NTN1: variants seen among roughly 807,000 people sequenced by gnomAD.
The protein encoded by NTN1 is netrin-1.
NTN1 carries 11 observed loss-of-function variants against 54.2 expected under a neutral mutation model. That is an observed-to-expected ratio of 0.20 (90% CI 0.13 to 0.34). NTN1 has a LOEUF of 0.34. Among genes scored for constraint, NTN1 ranks in the 10% least tolerant of loss-of-function variants. The probability of loss-of-function intolerance (pLI) is 1.00; values close to 1 mark genes in which losing one functional copy is unlikely to be tolerated. For missense variants in NTN1, 740 were observed against 893.1 expected (o/e 0.83, Z 2.18); for synonymous variants, 371 against 382.0 (o/e 0.97, Z 0.33).
At chr17:9,156,185 G>T (rs2092341522) in intron 2 of NTN1, among the ~76,000 whole-genome samples, 1 of 151,786 alleles carries the variant, frequency 6.6e-6, no homozygotes, top group Non-Finnish European at 1.5e-5. Context: ...GTCCCAGTGC[G>T]CAGGCAGCCA....
intron 2 of NTN1, among the ~76,000 whole-genome samples, chr17:9,048,592 G>A (rs1336962205): frequency 6.6e-6 from 1 of 152,098 alleles, no homozygotes; most frequent in Non-Finnish European, 1.5e-5. Flanking sequence ...CTATGAAATG[G>A]CGTCTTCGTC....
intron 5 of NTN1, among the ~76,000 whole-genome samples, chr17:9,218,728 C>T (rs1049104069): frequency 6.6e-6 from 1 of 152,106 alleles, no homozygotes; most frequent in African/African-American, 2.4e-5. Context: ...CACCGCAGTC[C>T]CTCCCTCAAA....
At chr17:9,026,067 G>C (rs1211912184) in intron 2 of NTN1, among the ~76,000 whole-genome samples, 1 of 152,092 alleles carries the variant, frequency 6.6e-6, no homozygotes, top group Non-Finnish European at 1.5e-5. Context: ...TTACTGTGCT[G>C]TTTGGTCTTT....
At chr17:9,088,529 C>T (rs2092097171) in intron 2 of NTN1, among the ~76,000 whole-genome samples, 1 of 152,138 alleles carries the variant, frequency 6.6e-6, no homozygotes, top group African/African-American at 2.4e-5. Context: ...ATGACACACA[C>T]CAAATAGTTG....
At chr17:9,237,215 C>T (rs559212543) in intron 6 of NTN1, among the ~76,000 whole-genome samples, 6 of 152,208 alleles carry the variant, frequency 3.9e-5, no homozygotes, top group African/African-American at 9.6e-5. Flanking sequence ...ATCAAGGTGT[C>T]GGTAGGGTTG....
At chr17:9,148,359 C>G (rs1438097208) in intron 2 of NTN1, among the ~76,000 whole-genome samples, 1 of 152,198 alleles carries the variant, frequency 6.6e-6, no homozygotes, top group Non-Finnish European at 1.5e-5. Context: ...GGACTCTTCT[C>G]TCCTAGACCT....
At chr17:9,227,872 C>A (rs3826478) in intron 6 of NTN1, among the ~76,000 whole-genome samples, 120,787 of 151,174 alleles carry the variant, frequency 0.8, 48,282 homozygotes, top group African/African-American at 0.85. Context: ...CATCACACAC[C>A]CCATCACACA....
At chr17:9,183,232 T>C (rs1034111333) in intron 5 of NTN1, 9 of 676,058 alleles carry the variant, frequency 1.3e-5, no homozygotes, top group African/African-American at 1.1e-4. Context: ...CTGAGCTCCT[T>C]CTACTTGTCC....
chr17:9,227,870 ACC>A (rs1491541148), intron 6 of NTN1, among the ~76,000 whole-genome samples: 6 of 151,482 alleles, frequency 4.0e-5, no homozygotes, highest in South Asian at 2.1e-4. Flanking sequence ...CCCATCACAC[ACC>A]CCATCACACA....
intron 2 of NTN1, among the ~76,000 whole-genome samples, chr17:9,105,048 C>T (rs906660689): frequency 6.6e-6 from 1 of 152,162 alleles, no homozygotes; most frequent in African/African-American, 2.4e-5. Context: ...ATGTGGGGCC[C>T]GTGAGAGACC....
chr17:9,127,074 G>GGGA (rs1555570073), intron 2 of NTN1, among the ~76,000 whole-genome samples: 4 of 149,950 alleles, frequency 2.7e-5, no homozygotes, highest in African/African-American at 4.9e-5. Context: ...GTAGGGCCGG[G>GGGA]GGGGGGCAGG....
At chr17:9,185,246 G>A (rs1230717053) in intron 5 of NTN1, among the ~76,000 whole-genome samples, 1 of 152,138 alleles carries the variant, frequency 6.6e-6, no homozygotes, top group Non-Finnish European at 1.5e-5. Context: ...GGGAGGCTGG[G>A]TATGCCTTGT....
At chr17:9,172,242 A>T (rs1040061033) in intron 3 of NTN1, among the ~76,000 whole-genome samples, 4 of 152,068 alleles carry the variant, frequency 2.6e-5, no homozygotes, top group Non-Finnish European at 5.9e-5. Flanking sequence ...TCACGCCTGT[A>T]ATCCCAGCAC....
At chr17:9,017,520 C>T (rs1329474279), upstream of NTN1, among the ~76,000 whole-genome samples, 1 of 152,182 alleles carries the variant, frequency 6.6e-6, no homozygotes, top group Non-Finnish European at 1.5e-5. Flanking sequence ...CCTGGTTTTC[C>T]TCCTCCTCCT....
At chr17:9,114,018 C>T (rs921402417) in intron 2 of NTN1, among the ~76,000 whole-genome samples, 7 of 150,420 alleles carry the variant, frequency 4.7e-5, no homozygotes, top group African/African-American at 9.8e-5. Context: ...AAAAATTAGC[C>T]GGGCATGGTG....
chr17:9,085,810 A>G (rs918011981), intron 2 of NTN1, among the ~76,000 whole-genome samples: 1 of 152,134 alleles, frequency 6.6e-6, no homozygotes, highest in Non-Finnish European at 1.5e-5. Flanking sequence ...AGGAGCATTC[A>G]AGGCGCTGGG....
chr17:9,072,865 A>G (rs890902714), intron 2 of NTN1, among the ~76,000 whole-genome samples: 2 of 152,232 alleles, frequency 1.3e-5, no homozygotes, highest in Non-Finnish European at 2.9e-5. Flanking sequence ...CCAGCAAAGC[A>G]GCTGCTGTGA....
intron 2 of NTN1, among the ~76,000 whole-genome samples, chr17:9,100,475 T>C (rs2092146870): frequency 6.6e-6 from 1 of 151,978 alleles, no homozygotes; most frequent in African/African-American, 2.4e-5. Context: ...ATTTTGTCTT[T>C]TTTTTTTAGT....
intron 2 of NTN1, among the ~76,000 whole-genome samples, chr17:9,078,509 A>C (rs1182827068): frequency 6.6e-6 from 1 of 152,366 alleles, no homozygotes; most frequent in African/African-American, 2.4e-5. Context: ...GAGAGTCTGC[A>C]TGAATTCTGG....
Sources: allele counts gnomAD v4.1 joint callset (sites outside exome capture counted in the v4.1 genomes callset), GRCh38; gene constraint gnomAD v4.1.1; transcripts MANE v1.5; gene names NCBI Gene and HGNC (gene_info 2026-07-23, HGNC 2026-07-21).